CATSPERE: variants seen among roughly 807,000 people sequenced by gnomAD.
CATSPERE encodes the protein catsper channel auxiliary subunit epsilon.
Under a neutral mutation model 114.1 loss-of-function variants are expected in CATSPERE, and 93 were observed. That is an observed-to-expected ratio of 0.81 (90% CI 0.69 to 0.97). CATSPERE has a LOEUF of 0.97. Ranked by LOEUF, CATSPERE falls within the 50% of genes least tolerant of loss-of-function variation. The pLI is 0.00. For synonymous variants in CATSPERE, 341 were observed against 384.1 expected, an observed-to-expected ratio of 0.89 and a Z score of 1.31; for missense variants, 1,058 against 1,131.6, an observed-to-expected ratio of 0.93 and a Z score of 0.93.
chr1:244,603,724 G>T (rs1161892742), intron 17 of CATSPERE, among the ~76,000 whole-genome samples: 1 of 150,974 alleles, frequency 6.6e-6, no homozygotes, highest in East Asian at 1.9e-4. Context: ...GTAAGAATCT[G>T]GCCAGGCATG....
At chr1:244,625,718 C>T (rs775339683) in intron 20 of CATSPERE, among the ~76,000 whole-genome samples, 7 of 150,236 alleles carry the variant, frequency 4.7e-5, no homozygotes, top group East Asian at 2.0e-4. Context: ...TGAGCCACCG[C>T]GCCTGGCCTA....
intron 6 of CATSPERE, among the ~76,000 whole-genome samples, chr1:244,492,325 CAG>C (rs1184222644): frequency 3.3e-5 from 5 of 152,178 alleles, no homozygotes; most frequent in African/African-American, 1.2e-4. Context: ...AGCATATAAA[CAG>C]AAGCAAAGAC....
chr1:244,593,576 A>G lies in CATSPERE; in HGVS notation c.2301A>G (p.Gln767=), dbSNP rs779782989. The change falls in exon 17 of 22, where the codon CAA becomes CAG. Residue 767 remains glutamine, a splice_region_variant and synonymous_variant. Coordinates refer to ENST00000366534, the MANE Select transcript of CATSPERE (RefSeq NM_001130957.2). ...CAGAAAAGTTTCAACCTGTGGTTCA[A>G]CTGTAAGTATATTCTCATCAACATT... ...DFTEKFQPVV[Q]LFDDNGYVKD... is the part of the protein sequence containing the mutation. 4 of 1,611,666 alleles carry G rather than the reference A, an allele frequency of 2.5e-6. No individual in the cohort carries two copies. The highest frequency in any genetic ancestry group is 1.7e-6 in the Non-Finnish European group (2 of 1,178,012).
chr1:244,559,269 C>T (rs1384110739), intron 9 of CATSPERE, among the ~76,000 whole-genome samples: 1 of 152,202 alleles, frequency 6.6e-6, no homozygotes, highest in Non-Finnish European at 1.5e-5. Context: ...TTGTTTCCAG[C>T]AACATAAGTT....
intron 21 of CATSPERE, 68 bp from the exon 22 acceptor site, chr1:244,639,860 T>TA: frequency 7.0e-7 from 1 of 1,425,354 alleles, no homozygotes; most frequent in Non-Finnish European, 9.4e-7. Context: ...AAAAAGTGTT[T>TA]AAATAAATTA....
At chr1:244,462,585 G>C (rs1029752214) in intron 1 of CATSPERE, among the ~76,000 whole-genome samples, 7 of 152,008 alleles carry the variant, frequency 4.6e-5, no homozygotes, top group African/African-American at 1.7e-4. Context: ...TTTTCTCTCT[G>C]TATTGAAAGG....
chr1:244,638,398 C>G (rs1274949426), intron 21 of CATSPERE, among the ~76,000 whole-genome samples: 1 of 152,202 alleles, frequency 6.6e-6, no homozygotes, highest in East Asian at 1.9e-4. Flanking sequence ...GCCACTGCCT[C>G]TCTCTCCCTA....
chr1:244,618,428 G>A (rs1401972028), intron 20 of CATSPERE, among the ~76,000 whole-genome samples: 1 of 152,148 alleles, frequency 6.6e-6, no homozygotes, highest in Non-Finnish European at 1.5e-5. Context: ...CTAGGAAAAC[G>A]GTGTGATGAA....
chr1:244,492,601 T>C (rs1279426080), intron 6 of CATSPERE, among the ~76,000 whole-genome samples: 2 of 151,682 alleles, frequency 1.3e-5, no homozygotes, highest in Non-Finnish European at 2.9e-5. Flanking sequence ...CCAGGGCAAT[T>C]AGGCAGGAGA....
At chr1:244,467,605 A>T (rs1353446037) in intron 2 of CATSPERE, among the ~76,000 whole-genome samples, 1 of 152,148 alleles carries the variant, frequency 6.6e-6, no homozygotes, top group Non-Finnish European at 1.5e-5. Flanking sequence ...CACTAGTTTG[A>T]CTCCTAGGTA....
intron 4 of CATSPERE, 141 bp downstream of exon 4, chr1:244,478,116 C>T (rs1669656308): frequency 4.0e-6 from 2 of 496,576 alleles, no homozygotes; most frequent in East Asian, 7.0e-5. Context: ...ATAAACAAGC[C>T]CTATTTTAAA....
chr1:244,489,730 C>T (rs1019909037), intron 5 of CATSPERE, among the ~76,000 whole-genome samples: 7 of 151,882 alleles, frequency 4.6e-5, no homozygotes, highest in Admixed American at 1.3e-4. Context: ...TAACTGTGCA[C>T]CAATTTCTTC....
Position 244,560,963 on chromosome 1 carries a change from T to C in CATSPERE, c.1325T>C (p.Ile442Thr). The stretch of plus-strand genomic sequence containing the variant: ...CAAGACTTTACATTAGATGCCCCTA[T>C]TGACAGTGTTACCATGCCACATTTT... ...VSQDFTLDAP[I>T]DSVTMPHFTF... The change falls in exon 10 of 22, where the codon ATT becomes ACT. Residue 442 changes from isoleucine (I) to threonine (T), a missense_variant. By Grantham distance (89) the Ile-to-Thr change is moderately conservative. Around this residue, in one of 2 missense-constraint regions of CATSPERE, gnomAD observed 787 missense variants for 905.6 expected, o/e 0.87. Coordinates refer to ENST00000366534, the MANE Select transcript of CATSPERE (RefSeq NM_001130957.2). The C allele has an allele frequency of 6.2e-7, 1 of 1,614,152 alleles. No homozygotes were observed. The highest frequency in any genetic ancestry group is 1.3e-5 in the African/African-American group (1 of 75,054).
chr1:244,563,554 A>G (rs1426202634), intron 10 of CATSPERE, among the ~76,000 whole-genome samples: 1 of 152,208 alleles, frequency 6.6e-6, no homozygotes, highest in Non-Finnish European at 1.5e-5. Flanking sequence ...GGCTGCATAA[A>G]TGTCTTCTTT....
At chr1:244,555,854 A>G (rs927600613) in intron 9 of CATSPERE, among the ~76,000 whole-genome samples, 2 of 152,182 alleles carry the variant, frequency 1.3e-5, no homozygotes, top group Non-Finnish European at 1.5e-5. Flanking sequence ...AACTGGGAAT[A>G]AATTTAACAA....
At chr1:244,561,253 CA>C (rs1177103197) in intron 10 of CATSPERE, 108 bp downstream of exon 10, 1 of 751,822 alleles carries the variant, frequency 1.3e-6, no homozygotes, top group African/African-American at 1.7e-5. Context: ...TTTTGGCAGC[CA>C]AAGGTGCACT....
rs3123465 is a variant in CATSPERE at position 244,522,843 on chromosome 1, G to A, written c.536+4145G>A. Among the ~76,000 whole-genome samples the A allele has an allele frequency of 6.7e-3, 1,026 of 152,028 alleles. 11 individuals are homozygous for A. The highest frequency in any genetic ancestry group is 0.023 in the African/African-American group (954 of 41,394). The stretch of plus-strand genomic sequence containing the variant: ...GGAGCTGAAATTGTGGCAATAATAA[G>A]TAGCTTACCAACCAAAAAGAGTCCA... On this transcript the variant is annotated intron_variant, in intron 8 of 21. Transcript: ENST00000366534.
At chr1:244,602,791 C>T (rs1355132269) in intron 17 of CATSPERE, among the ~76,000 whole-genome samples, 1 of 152,120 alleles carries the variant, frequency 6.6e-6, no homozygotes, top group African/African-American at 2.4e-5. Context: ...TTTAAGGGTC[C>T]TGAGGATTCG....
At chr1:244,515,342 A>G (rs183927055) in intron 7 of CATSPERE, 1 of 978,378 alleles carries the variant, frequency 1.0e-6, no homozygotes, top group Non-Finnish European at 1.2e-6. Context: ...GATTTTTTTC[A>G]TTATTTGTTC....
Sources: gnomAD v4.1 joint callset for allele counts (sites outside exome capture counted in the v4.1 genomes callset) on GRCh38, gnomAD v4.1.1 for gene constraint, gnomAD v4.1.1 regional missense constraint, MANE v1.5 for transcripts, NCBI Gene and HGNC (gene_info 2026-07-23, HGNC 2026-07-21) for gene names.